NR1H4: variants seen among roughly 807,000 people sequenced by gnomAD.
NR1H4 encodes bile acid receptor.
Under a neutral mutation model 58.5 loss-of-function variants are expected in NR1H4, and 23 were observed. The ratio of observed to expected loss-of-function variants is 0.39; its 90% CI spans 0.28 to 0.56. NR1H4 has a LOEUF of 0.56. Among genes scored for constraint, NR1H4 ranks in the 20% least tolerant of loss-of-function variants. The pLI, the probability that NR1H4 is intolerant of heterozygous loss-of-function variation, is 0.58. For missense variants in NR1H4, 487 were observed against 576.9 expected (o/e 0.84, Z 1.60); for synonymous variants, 214 against 198.0 (o/e 1.08, Z -0.68).
intron 4 of NR1H4, among the ~76,000 whole-genome samples, chr12:100,511,648 A>T (rs1158481015): frequency 6.6e-6 from 1 of 152,210 alleles, no homozygotes; most frequent in Non-Finnish European, 1.5e-5. Flanking sequence ...TTAACTTGGC[A>T]TGGTGGCTCA....
At position 100,532,796 on chromosome 12, in the gene NR1H4, G is replaced by A. The variant is rs2303624; in HGVS notation, c.598+186G>A. On this transcript the variant is annotated intron_variant, in intron 5 of 10. Coordinates refer to ENST00000392986, the MANE Select transcript of NR1H4 (RefSeq NM_001206979.2). ...CAACTAAAGAGCATTTTAGTCACCC[G>A]AAAGAAATGGGTTTTTTTTGTTGTT... Among the ~76,000 whole-genome samples the A allele has an allele frequency of 0.17, 26,111 of 152,082 alleles. 4,953 individuals carry two copies. The highest frequency in any genetic ancestry group is 0.45 in the East Asian group (2,337 of 5,154).
chr12:100,476,331 A>G (rs1311584631), intron 1 of NR1H4, among the ~76,000 whole-genome samples: 4 of 152,224 alleles, frequency 2.6e-5, no homozygotes, highest in Non-Finnish European at 5.9e-5. Flanking sequence ...AACCTCCTGC[A>G]TAGGGCATTT....
At chr12:100,544,486 T>A (rs1442919339) in intron 9 of NR1H4, among the ~76,000 whole-genome samples, 1 of 152,112 alleles carries the variant, frequency 6.6e-6, no homozygotes, top group Admixed American at 6.5e-5. Context: ...CCCATTTTTT[T>A]AAAGCTGTTG....
chr12:100,552,492 C>T (rs187724363), intron 9 of NR1H4, among the ~76,000 whole-genome samples: 6 of 152,258 alleles, frequency 3.9e-5, no homozygotes. Flanking sequence ...CATCCCTTGT[C>T]CCCATCACAT....
intron 1 of NR1H4, among the ~76,000 whole-genome samples, chr12:100,477,140 C>G (rs1231708050): frequency 6.6e-6 from 1 of 152,072 alleles, no homozygotes; most frequent in African/African-American, 2.4e-5. Flanking sequence ...TTATTTTCTC[C>G]CTCAGTTTGC....
intron 1 of NR1H4, among the ~76,000 whole-genome samples, chr12:100,482,102 A>AAAAC (rs1012644005): frequency 5.3e-5 from 8 of 152,158 alleles, no homozygotes; most frequent in Admixed American, 1.3e-4. Flanking sequence ...ACCCTGTCTC[A>AAAAC]AAACAAACAA....
At chr12:100,505,857 C>A (rs780016780) in intron 3 of NR1H4, 9 of 424,998 alleles carry the variant, frequency 2.1e-5, no homozygotes, top group Non-Finnish European at 3.8e-5. Context: ...TATTTGTTTA[C>A]TTGTTTACTT....
rs751862206 is a variant in NR1H4, at chr12:100,563,434, G to A, written c.1376G>A (p.Arg459Lys). 23 of 1,614,054 alleles carry A rather than the reference G, an allele frequency of 1.4e-5. No homozygotes were observed. The East Asian group carries it at 5.1e-4, about 36-fold the overall frequency. ...CACGCTGAGATGCTGATGTCATGGA[G>A]AGTAAACGACCACAAGTTTACCCCA... ...HHHAEMLMSW[R>K]VNDHKFTPLL... The change falls in exon 11 of 11, where the codon AGA becomes AAA. Residue 459 changes from arginine to lysine, a missense_variant. Physicochemically the swap from Arg to Lys is conservative, Grantham distance 26 (BLOSUM62 2). Coordinates refer to ENST00000392986, the MANE Select transcript of NR1H4 (RefSeq NM_001206979.2).
chr12:100,501,904 A>G (rs2136126175), intron 3 of NR1H4, among the ~76,000 whole-genome samples: 2 of 152,306 alleles, frequency 1.3e-5, no homozygotes, highest in East Asian at 3.9e-4. Context: ...TCCACCCTGG[A>G]TCAACTGAGT....
chr12:100,508,502 A>G (rs928846993), intron 3 of NR1H4, among the ~76,000 whole-genome samples: 2 of 152,136 alleles, frequency 1.3e-5, no homozygotes, highest in African/African-American at 4.8e-5. Context: ...GCAGCAATTC[A>G]GTGCATGGGC....
rs142852043 is a variant in NR1H4, at chr12:100,559,582, C to T, written c.1079-2303C>T. Among the ~76,000 whole-genome samples, 47 of 152,300 alleles carry T rather than the reference C, an allele frequency of 3.1e-4. No individual in the cohort carries two copies. The East Asian group carries it at 8.1e-3, about 26-fold the overall frequency. On this transcript the variant is annotated intron_variant, in intron 9 of 10. Transcript: ENST00000392986. ...CAGCAGTGCCAGCCCACCGGCGCTG[C>T]GCTGGATTTCTCACCGAGCCTTAGC...
At chr12:100,543,153 A>G (rs531786935) in intron 9 of NR1H4, among the ~76,000 whole-genome samples, 2 of 152,168 alleles carry the variant, frequency 1.3e-5, no homozygotes, top group Non-Finnish European at 1.5e-5. Flanking sequence ...GCAAAGAGAA[A>G]GAGGCAAGAA....
chr12:100,517,170 T>A (rs1251982924), intron 4 of NR1H4, among the ~76,000 whole-genome samples: 1 of 152,168 alleles, frequency 6.6e-6, no homozygotes, highest in Non-Finnish European at 1.5e-5. Flanking sequence ...GTTGACTAAT[T>A]TCACTGTCCC....
At chr12:100,520,376 T>A (rs1954384282) in intron 4 of NR1H4, among the ~76,000 whole-genome samples, 11 of 152,032 alleles carry the variant, frequency 7.2e-5, no homozygotes, top group Admixed American at 7.2e-4. Flanking sequence ...ATACAGAAGT[T>A]GGAAGAGTCA....
chr12:100,508,470 CACCTGAAATT>C (rs1026506264), intron 3 of NR1H4, among the ~76,000 whole-genome samples: 2 of 152,080 alleles, frequency 1.3e-5, no homozygotes, highest in African/African-American at 4.8e-5. Flanking sequence ...AAGTATCACA[CACCTGAAATT>C]ACCCCCAGAG....
intron 4 of NR1H4, among the ~76,000 whole-genome samples, chr12:100,529,377 C>A (rs182514832): frequency 3.1e-4 from 47 of 152,242 alleles, no homozygotes; most frequent in Non-Finnish European, 1.8e-4. Flanking sequence ...CGCGTTCCAC[C>A]TTTACCTTGC....
At chr12:100,553,062 G>A (rs183989807) in intron 9 of NR1H4, among the ~76,000 whole-genome samples, 12 of 152,022 alleles carry the variant, frequency 7.9e-5, no homozygotes, top group East Asian at 1.9e-4. Flanking sequence ...GCAGTGCAGC[G>A]ATCTTAGCTC....
At chr12:100,499,668 G>A (rs537045078) in intron 3 of NR1H4, among the ~76,000 whole-genome samples, 1 of 152,138 alleles carries the variant, frequency 6.6e-6, no homozygotes, top group Non-Finnish European at 1.5e-5. Flanking sequence ...TCTCAACCCT[G>A]CAGGCTAAGA....
At chr12:100,509,126 C>T (rs1954041819) in intron 3 of NR1H4, among the ~76,000 whole-genome samples, 3 of 152,088 alleles carry the variant, frequency 2.0e-5, no homozygotes, top group Non-Finnish European at 2.9e-5. Flanking sequence ...CTCTTGATAT[C>T]GATATTATCA....
Sources: gnomAD v4.1 joint callset for allele counts (sites outside exome capture counted in the v4.1 genomes callset) on GRCh38, gnomAD v4.1.1 for gene constraint, MANE v1.5 for transcripts, NCBI Gene and HGNC (gene_info 2026-07-23, HGNC 2026-07-21) for gene names.